The following MEI4 variants were observed in gnomAD, a reference collection of about 807,000 sequenced individuals.
The protein encoded by MEI4 is meiosis-specific protein MEI4.
In MEI4, 27 loss-of-function variants were observed where a neutral mutation model predicts 31.4. The ratio of observed to expected loss-of-function variants is 0.86; its 90% CI spans 0.63 to 1.19. The LOEUF is 1.19. Ranked by LOEUF, MEI4 falls within the 50% of genes most tolerant of loss-of-function variation. The pLI, the probability that MEI4 is intolerant of heterozygous loss-of-function variation, is 0.00. For synonymous variants in MEI4, 122 were observed against 145.4 expected (o/e 0.84, Z 1.16); for missense variants, 329 against 398.9 (o/e 0.82, Z 1.49).
Position 77,782,738 on chromosome 6 carries a change from T to A in MEI4, c.768+21073T>A, listed in dbSNP as rs117599351. On this transcript the variant is annotated intron_variant, in intron 3 of 4. Coordinates refer to ENST00000684080, the MANE Select transcript of MEI4 (RefSeq NM_001322247.2). ...TTCTTATATGTAGCTTTGATTGAGCTGGAAACATAGCCATTGCTGATACCT... is the reference window on the plus strand; with the variant it reads ...TTCTTATATGTAGCTTTGATTGAGCAGGAAACATAGCCATTGCTGATACCT... 7.7e-4 allele frequency among the ~76,000 whole-genome samples: 118 copies of A among 152,312 alleles called. 1 individual carries two copies. The highest frequency in any genetic ancestry group is 2.1e-3 in the East Asian group (11 of 5,182).
chr6:77,710,290 G>A (rs1443447630), intron 2 of MEI4, among the ~76,000 whole-genome samples: 1 of 151,930 alleles, frequency 6.6e-6, no homozygotes, highest in African/African-American at 2.4e-5. Context: ...TTGGGAGGCC[G>A]AGGCAGGCAG....
At chr6:77,805,211 T>C (rs948474741) in intron 3 of MEI4, among the ~76,000 whole-genome samples, 2 of 152,118 alleles carry the variant, frequency 1.3e-5, no homozygotes, top group African/African-American at 4.8e-5. Context: ...CTTCCCACCA[T>C]GTCACCCCTT....
At chr6:77,822,674 C>T (rs1489258371) in intron 3 of MEI4, among the ~76,000 whole-genome samples, 3 of 146,772 alleles carry the variant, frequency 2.0e-5, no homozygotes, top group Non-Finnish European at 4.5e-5. Flanking sequence ...GGCTAGAGTC[C>T]AGTGGCAGGA....
chr6:77,816,636 A>G (rs1036145212), intron 3 of MEI4, among the ~76,000 whole-genome samples: 1 of 152,116 alleles, frequency 6.6e-6, no homozygotes, highest in Admixed American at 6.6e-5. Context: ...CATGATTTAT[A>G]ATCCTTTGGG....
At chr6:77,912,765 T>G (rs540176610) in intron 4 of MEI4, among the ~76,000 whole-genome samples, 1 of 152,272 alleles carries the variant, frequency 6.6e-6, no homozygotes, top group East Asian at 1.9e-4. Context: ...CAGTTTGACT[T>G]CCTCTTTTCC....
intron 1 of MEI4, among the ~76,000 whole-genome samples, chr6:77,679,335 C>A (rs1184466312): frequency 6.6e-6 from 1 of 152,068 alleles, no homozygotes; most frequent in Non-Finnish European, 1.5e-5. Flanking sequence ...ATTTTTAAAT[C>A]TTTTATATCG....
intron 4 of MEI4, among the ~76,000 whole-genome samples, chr6:77,905,762 C>T (rs1351952079): frequency 6.7e-6 from 1 of 149,122 alleles, no homozygotes; most frequent in African/African-American, 2.5e-5. Context: ...TCCCAGAGTG[C>T]TGAGATTACA....
At chr6:77,863,476 G>A (rs1770928333) in intron 4 of MEI4, among the ~76,000 whole-genome samples, 1 of 151,994 alleles carries the variant, frequency 6.6e-6, no homozygotes, top group African/African-American at 2.4e-5. Context: ...TGGAAGAAAG[G>A]GTATCAGTGA....
chr6:77,734,878 T>C (rs1258948109), intron 2 of MEI4, among the ~76,000 whole-genome samples: 1 of 151,872 alleles, frequency 6.6e-6, no homozygotes, highest in Non-Finnish European at 1.5e-5. Flanking sequence ...GGATTTTATT[T>C]CTCCTTCACT....
intron 4 of MEI4, among the ~76,000 whole-genome samples, chr6:77,857,415 T>G (rs6908446): frequency 0.019 from 2,882 of 152,294 alleles, 65 homozygotes; most frequent in East Asian, 0.088. Flanking sequence ...TCTGTTGCTT[T>G]GATAAAAATT....
At chr6:77,727,331 G>T (rs571259565) in intron 2 of MEI4, among the ~76,000 whole-genome samples, 2 of 152,294 alleles carry the variant, frequency 1.3e-5, no homozygotes, top group South Asian at 2.1e-4. Flanking sequence ...ACTATCATTT[G>T]TCCTCAGAAG....
intron 3 of MEI4, among the ~76,000 whole-genome samples, chr6:77,789,928 T>C (rs1462075063): frequency 6.6e-6 from 1 of 152,130 alleles, no homozygotes; most frequent in Non-Finnish European, 1.5e-5. Flanking sequence ...GGACTATAAA[T>C]CATGCTGCTA....
intron 4 of MEI4, among the ~76,000 whole-genome samples, chr6:77,874,773 A>G (rs1365159772): frequency 6.6e-6 from 1 of 152,136 alleles, no homozygotes; most frequent in African/African-American, 2.4e-5. Context: ...ATTTTGAGAT[A>G]TGTCCCATCA....
chr6:77,754,363 G>A (rs1459237627), intron 2 of MEI4, among the ~76,000 whole-genome samples: 1 of 152,174 alleles, frequency 6.6e-6, no homozygotes, highest in African/African-American at 2.4e-5. Context: ...CATAGCAAGA[G>A]TTACTTTTAC....
At chr6:77,707,916 C>A (rs1420277502) in intron 2 of MEI4, among the ~76,000 whole-genome samples, 2 of 152,174 alleles carry the variant, frequency 1.3e-5, no homozygotes, top group African/African-American at 4.8e-5. Flanking sequence ...CAGCCTTCAC[C>A]TAGATTTCAA....
chr6:77,850,682 A>C lies in MEI4; in HGVS notation c.900+21620A>C, dbSNP rs9443483. Among the ~76,000 whole-genome samples, 1,141 of 152,202 alleles carry C rather than the reference A, an allele frequency of 7.5e-3. 14 individuals carry two copies. Among genetic ancestry groups the C allele is most frequent in the African/African-American group, 0.025 (1,045 of 41,548 alleles). On this transcript the variant is annotated intron_variant, in intron 4 of 4. Coordinates refer to ENST00000684080, the MANE Select transcript of MEI4 (RefSeq NM_001322247.2). Reference sequence around the variant, plus strand: ...ATGTTAGATCTAAAACCATAAAAACACTAGAAGAAAACCTAGGCATTACCA... The same window carrying C: ...ATGTTAGATCTAAAACCATAAAAACCCTAGAAGAAAACCTAGGCATTACCA...
chr6:77,911,277 C>A (rs1766428989), intron 4 of MEI4, among the ~76,000 whole-genome samples: 1 of 151,950 alleles, frequency 6.6e-6, no homozygotes, highest in East Asian at 1.9e-4. Flanking sequence ...TCAATATAGT[C>A]CAATTCAACT....
intron 2 of MEI4, among the ~76,000 whole-genome samples, chr6:77,750,128 C>T (rs1767729641): frequency 6.6e-6 from 1 of 152,164 alleles, no homozygotes; most frequent in South Asian, 2.1e-4. Flanking sequence ...AAGCGCTAAA[C>T]ATGGAAAGGA....
intron 4 of MEI4, among the ~76,000 whole-genome samples, chr6:77,866,043 A>G (rs955882116): frequency 1.3e-5 from 2 of 152,128 alleles, no homozygotes; most frequent in Non-Finnish European, 2.9e-5. Context: ...TTCATGCTAA[A>G]CACTCTCAAT....
Sources: gnomAD v4.1 joint callset for allele counts (sites outside exome capture counted in the v4.1 genomes callset) on GRCh38, gnomAD v4.1.1 for gene constraint, MANE v1.5 for transcripts, NCBI Gene and HGNC (gene_info 2026-07-23, HGNC 2026-07-21) for gene names.